The following PPP3CB variants were observed in gnomAD, a reference collection of about 807,000 sequenced individuals.
PPP3CB encodes the protein serine/threonine-protein phosphatase 2B catalytic subunit beta isoform.
Under a neutral mutation model 66.4 loss-of-function variants are expected in PPP3CB, and 8 were observed. The observed-to-expected ratio is 0.12, with a 90% CI of 0.07 to 0.22. The LOEUF is 0.22. PPP3CB is among the 10% of genes least tolerant of loss of function. The pLI is 1.00. For synonymous variants in PPP3CB, 208 were observed against 221.2 expected, an observed-to-expected ratio of 0.94 and a Z score of 0.53; for missense variants, 319 against 642.5, an observed-to-expected ratio of 0.50 and a Z score of 5.44.
intron 1 of PPP3CB, among the ~76,000 whole-genome samples, chr10:73,484,726 TG>T (rs2056944069): frequency 6.6e-6 from 1 of 152,016 alleles, no homozygotes; most frequent in East Asian, 1.9e-4. Context: ...ACAACTGAAA[TG>T]GCTAATAATA....
chr10:73,436,936 C>G lies in PPP3CB; in HGVS notation c.*1306G>C, dbSNP rs2056080454. The G allele has an allele frequency of 6.6e-6, 1 of 152,614 alleles. No individual in the cohort carries two copies. Among genetic ancestry groups the G allele is most frequent in the African/African-American group, 2.4e-5 (1 of 41,450 alleles). The allele number at this position is 152,614 out of a possible 1,614,324, so 9.5% of individuals were successfully genotyped here. A position where few individuals can be genotyped will look rare whatever the true frequency, so the allele number is the denominator to read the frequency against. ...AGGGTGCACTTTCTGGCAAACAAAACAATAGATGGTTCCGCTGCCTGGAGC... is the reference window on the plus strand; with the variant it reads ...AGGGTGCACTTTCTGGCAAACAAAAGAATAGATGGTTCCGCTGCCTGGAGC... On this transcript the variant is annotated 3_prime_UTR_variant, in exon 14 of 14. Coordinates refer to ENST00000360663, the MANE Select transcript of PPP3CB (RefSeq NM_021132.4).
At chr10:73,482,934 C>T (rs2056906314) in intron 1 of PPP3CB, among the ~76,000 whole-genome samples, 1 of 152,026 alleles carries the variant, frequency 6.6e-6, no homozygotes, top group Non-Finnish European at 1.5e-5. Flanking sequence ...ATATATACTT[C>T]CTAACAACCA....
intron 9 of PPP3CB, 25 bp downstream of exon 9, chr10:73,467,527 AT>A (rs1278618308): frequency 5.5e-6 from 8 of 1,457,770 alleles, no homozygotes; most frequent in Admixed American, 2.9e-5. Context: ...AATAAAACAA[AT>A]TTTTTTTAAA....
intron 5 of PPP3CB, 119 bp from the exon 6 acceptor site, chr10:73,471,328 G>T (rs2056698764): frequency 7.4e-7 from 1 of 1,350,792 alleles, no homozygotes; most frequent in Non-Finnish European, 1.0e-6. Flanking sequence ...TGAATAAACA[G>T]AAGTTATTTC....
chr10:73,445,960 G>T (rs953394579), intron 11 of PPP3CB, among the ~76,000 whole-genome samples: 2 of 151,652 alleles, frequency 1.3e-5, no homozygotes, highest in African/African-American at 4.8e-5. Flanking sequence ...TGTTGGCCAG[G>T]ATGGTCTCAA....
At position 73,470,733 on chromosome 10, in the gene PPP3CB, T is replaced by C. The variant is rs1416014960; in HGVS notation, c.936A>G (p.Ile312Met). 6.2e-7 allele frequency: 1 copy of C among 1,603,812 alleles called. No homozygotes were observed. Among genetic ancestry groups the C allele is most frequent in the Non-Finnish European group, 8.5e-7 (1 of 1,173,780 alleles). ...AGTAATTAGGTGCCGAAAAAATTGT[T>C]ATTAATGAAGGGAACCCTGTAGTTT... ...KSQTTGFPSL[I>M]TIFSAPNYLD... Residue 312 changes from isoleucine (I) to methionine (M), a missense_variant, in exon 8 of 14, where the codon ATA (isoleucine) becomes ATG (methionine). Physicochemically the swap from Ile to Met is conservative, Grantham distance 10. Around this residue, in one of 5 missense-constraint regions of PPP3CB, gnomAD observed 120 missense variants for 331.2 expected, o/e 0.36. Transcript: ENST00000360663.
intron 4 of PPP3CB, among the ~76,000 whole-genome samples, chr10:73,473,648 CA>C (rs527630420): frequency 0.049 from 7,031 of 144,024 alleles, 497 homozygotes; most frequent in African/African-American, 0.16. Context: ...GAGACTGTCT[CA>C]AAAAAAAAAT....
chr10:73,495,776 A>T, intron 1 of PPP3CB, 29 bp downstream of exon 1: 1 of 1,513,182 alleles, frequency 6.6e-7, no homozygotes, highest in Non-Finnish European at 8.9e-7. Flanking sequence ...TCTTCAGGCC[A>T]GGCCCCCAGG....
At position 73,437,309 on chromosome 10, in the gene PPP3CB, C is replaced by A. The variant is rs2056084861; in HGVS notation, c.*933G>T. 6.6e-6 allele frequency: 1 copy of A among 152,642 alleles called. No individual in the cohort carries two copies. Among genetic ancestry groups the A allele is most frequent in the Non-Finnish European group, 1.5e-5 (1 of 68,042 alleles). 9.5% of individuals were successfully genotyped at this position (152,642 alleles called of 1,614,324 possible). ...GGTGGCTCTCTAAGCAACTTGAGTA[C>A]TCACAATAAACTAAAATTTCTCATA... is the stretch of plus-strand genomic sequence containing the variant. On this transcript the variant is annotated 3_prime_UTR_variant, in exon 14 of 14. Coordinates refer to ENST00000360663, the MANE Select transcript of PPP3CB (RefSeq NM_021132.4).
intron 4 of PPP3CB, among the ~76,000 whole-genome samples, chr10:73,474,118 C>T (rs1025505440): frequency 6.6e-6 from 1 of 152,130 alleles, no homozygotes; most frequent in African/African-American, 2.4e-5. Flanking sequence ...TCTCGGCTCA[C>T]TGCAACCTCC....
rs1433463734 is a variant in PPP3CB, at chr10:73,467,491, T to C, written c.1108+62A>G. On this transcript the variant is annotated intron_variant, in intron 9 of 13. Transcript: ENST00000360663. ...TCCTTTAGCAAGTATGTGCCTATGA[T>C]AGTAAACTGGAGTAAATGTAACAGT... is the stretch of plus-strand genomic sequence containing the variant. 9 of 1,302,410 alleles carry C rather than the reference T, an allele frequency of 6.9e-6. No homozygotes were observed. In the East Asian group the frequency reaches 8.0e-5, roughly 12 times the overall value. The allele number at this position is 1,302,410 out of a possible 1,614,324, so 80.7% of individuals were successfully genotyped here.
At chr10:73,454,513 T>C (rs750975165) in intron 9 of PPP3CB, 24 bp from the exon 10 acceptor site, 3 of 1,545,452 alleles carry the variant, frequency 1.9e-6, no homozygotes, top group Non-Finnish European at 2.7e-6. Context: ...AAAAGTTACA[T>C]GTTAGCTGAC....
chr10:73,475,382 C>T (rs2056769898), intron 3 of PPP3CB, among the ~76,000 whole-genome samples: 1 of 152,166 alleles, frequency 6.6e-6, no homozygotes, highest in Non-Finnish European at 1.5e-5. Flanking sequence ...ATAACAGCAG[C>T]TAACATTTAT....
At chr10:73,471,435 G>C (rs893684520) in intron 5 of PPP3CB, 33 bp downstream of exon 5, 28 of 1,568,478 alleles carry the variant, frequency 1.8e-5, no homozygotes, top group Non-Finnish European at 2.3e-5. Context: ...ACTATAAATA[G>C]AAATCAATCT....
rs528238766 is a variant in PPP3CB, at chr10:73,491,022, G to GTTT, written c.85+4780_85+4782dup. 9.3e-4 allele frequency among the ~76,000 whole-genome samples: 38 copies of GTTT among 40,908 alleles called. 3 individuals are homozygous for GTTT. Among genetic ancestry groups the GTTT allele is most frequent in the East Asian group, 2.0e-3 (2 of 1,004 alleles). The allele number at this position is 40,908 out of a possible 152,430, so 26.8% of individuals were successfully genotyped here. A position where few individuals can be genotyped will look rare whatever the true frequency, so the allele number is the denominator to read the frequency against. On this transcript the variant is annotated intron_variant, in intron 1 of 13. Coordinates refer to ENST00000360663, the MANE Select transcript of PPP3CB (RefSeq NM_021132.4). The stretch of plus-strand genomic sequence containing the variant: ...TAATTTTTGTTTGTTTGTTTTTATT[G>GTTT]TTTTTTTTTTTTTTTTTTTTTTTTT...
chr10:73,474,614 A>G (rs1376422130), intron 4 of PPP3CB, among the ~76,000 whole-genome samples: 1 of 143,940 alleles, frequency 6.9e-6, no homozygotes, highest in East Asian at 2.1e-4. Flanking sequence ...TTTTTTTTGT[A>G]TTTTTGGTGG....
intron 3 of PPP3CB, among the ~76,000 whole-genome samples, chr10:73,475,347 C>T (rs771140784): frequency 4.6e-5 from 7 of 152,108 alleles, no homozygotes; most frequent in Non-Finnish European, 7.4e-5. Flanking sequence ...TCTACAGATG[C>T]GTATTAGTAA....
chr10:73,459,590 A>T (rs1057267397), intron 9 of PPP3CB, among the ~76,000 whole-genome samples: 1 of 152,266 alleles, frequency 6.6e-6, no homozygotes, highest in Admixed American at 6.5e-5. Context: ...AATAAAACAA[A>T]CAAAATGTGC....
At position 73,471,052 on chromosome 10, in the gene PPP3CB, T is replaced by C. The variant is rs1301756171; in HGVS notation, c.809+18A>G. 1.9e-6 allele frequency: 3 copies of C among 1,598,852 alleles called. No individual in the cohort carries two copies. Among genetic ancestry groups the C allele is most frequent in the Non-Finnish European group, 2.6e-6 (3 of 1,168,108 alleles). On this transcript the variant is annotated intron_variant, in intron 6 of 13. Coordinates refer to ENST00000360663, the MANE Select transcript of PPP3CB (RefSeq NM_021132.4). Reference sequence around the variant, plus strand: ...GTTAACAACTAAAATGTGATTAATCTTGGATATTTTTCCTTACTTATAAAA... The same window carrying C: ...GTTAACAACTAAAATGTGATTAATCCTGGATATTTTTCCTTACTTATAAAA...
Sources: gnomAD v4.1 joint callset for allele counts (sites outside exome capture counted in the v4.1 genomes callset) on GRCh38, gnomAD v4.1.1 for gene constraint, gnomAD v4.1.1 regional missense constraint, MANE v1.5 for transcripts, NCBI Gene and HGNC (gene_info 2026-07-23, HGNC 2026-07-21) for gene names.